IGSF9B: variants seen among roughly 807,000 people sequenced by gnomAD.
IGSF9B encodes immunoglobulin superfamily member 9B.
In IGSF9B, 48 loss-of-function variants were observed where a neutral mutation model predicts 143.7. The observed-to-expected ratio is 0.33, with a 90% CI of 0.26 to 0.42. The LOEUF is 0.42. Ranked by LOEUF, IGSF9B falls within the 20% of genes least tolerant of loss-of-function variation. IGSF9B has a pLI of 1.00. For missense variants in IGSF9B, 1,706 were observed against 1,980.0 expected, an observed-to-expected ratio of 0.86 and a Z score of 2.63; for synonymous variants, 903 against 833.1, an observed-to-expected ratio of 1.08 and a Z score of -1.44.
chr11:133,927,095 G>A lies in IGSF9B; in HGVS notation c.1632-4C>T, dbSNP rs368686709. On this transcript the variant is annotated splice_region_variant and splice_polypyrimidine_tract_variant and intron_variant, in intron 12 of 19. Coordinates refer to ENST00000533871, the MANE Select transcript of IGSF9B (RefSeq NM_001277285.4). ...CCCAAACTGTGCCCGCTTCATCCTG[G>A]CCAAAAGAGAGAGACAGGATAGGGG... 26 of 1,546,968 alleles carry A rather than the reference G, an allele frequency of 1.7e-5. No individual in the cohort carries two copies. In the African/African-American group the frequency reaches 2.6e-4, roughly 15 times the overall value.
chr11:133,920,819 T>C lies in IGSF9B; in HGVS notation c.2906A>G (p.Tyr969Cys), dbSNP rs1039873023. Residue 969 changes from tyrosine (Y) to cysteine (C), a missense_variant, in exon 18 of 20, where the codon TAC becomes TGC. Physicochemically the swap from Tyr to Cys is radical, Grantham distance 194. This residue lies in a region of IGSF9B where 880 missense variants were observed against 762.9 expected (regional missense o/e 1.15). Coordinates refer to ENST00000533871, the MANE Select transcript of IGSF9B (RefSeq NM_001277285.4). ...CTCCCCAGGGCTGCTGCTGCTGAGGTACCCATAATACTGGCCATGGTGGAA... is the reference window on the plus strand; with the variant it reads ...CTCCCCAGGGCTGCTGCTGCTGAGGCACCCATAATACTGGCCATGGTGGAA... ...RPFHHGQYYG[Y>C]LSSSSPGEVE... The C allele has an allele frequency of 6.2e-7, 1 of 1,602,604 alleles. No homozygotes were observed. Among genetic ancestry groups the C allele is most frequent in the Admixed American group, 1.7e-5 (1 of 59,174 alleles).
intron 12 of IGSF9B, among the ~76,000 whole-genome samples, chr11:133,929,288 T>A (rs972958482): frequency 1.3e-5 from 2 of 152,088 alleles, no homozygotes; most frequent in African/African-American, 2.4e-5. Context: ...ACAAAAAAAA[T>A]TAGTCTAAAA....
intron 4 of IGSF9B, 99 bp from the exon 5 acceptor site, chr11:133,937,592 G>T: frequency 9.4e-7 from 1 of 1,067,146 alleles, no homozygotes; most frequent in South Asian, 1.5e-5. Flanking sequence ...AGGTGGAGAT[G>T]ACCACAGGGA....
At chr11:133,946,288 AAGG>A (rs1232043404) in intron 1 of IGSF9B, 30 bp from the exon 2 acceptor site, 2 of 1,597,196 alleles carry the variant, frequency 1.3e-6, no homozygotes, top group East Asian at 2.2e-5. Context: ...TGGACACAGA[AAGG>A]AGGTGACAAA....
At chr11:133,937,273 A>G in intron 5 of IGSF9B, 103 bp downstream of exon 5, 1 of 807,028 alleles carries the variant, frequency 1.2e-6, no homozygotes, top group Non-Finnish European at 2.0e-6. Context: ...CTGCACCTCC[A>G]CTAGCCCCAG....
rs765768209 is a variant in IGSF9B at position 133,924,760 on chromosome 11, C to T, written c.2119+60G>A. ...GGAGTAGCCATTTCACAAAATGACC[C>T]CCATGCAGCTCTGGGGCTTATGTCC... is the stretch of plus-strand genomic sequence containing the variant. On this transcript the variant is annotated intron_variant, in intron 15 of 19. Transcript: ENST00000533871. 3.7e-6 allele frequency: 5 copies of T among 1,366,400 alleles called. No homozygotes were observed. In the South Asian group the frequency reaches 5.9e-5, roughly 16 times the overall value. The allele number at this position is 1,366,400 out of a possible 1,614,324, so 84.6% of individuals were successfully genotyped here. A position where few individuals can be genotyped will look rare whatever the true frequency, so the allele number is the denominator to read the frequency against.
chr11:133,944,275 C>G lies in IGSF9B; in HGVS notation c.354G>C (p.Leu118=). 6.2e-7 allele frequency: 1 copy of G among 1,613,736 alleles called. No homozygotes were observed. The change falls in exon 3 of 20, where the codon CTG becomes CTC. Residue 118 remains leucine, a synonymous_variant. Transcript: ENST00000533871. ...QGWYECKVLM[L]DQQYDTFHNG... is the part of the protein sequence containing the mutation. Reference sequence around the variant, plus strand: ...TGTGGAAGGTGTCATACTGCTGGTCCAGCATGAGCACTTTGCACTCATACC... The same window carrying G: ...TGTGGAAGGTGTCATACTGCTGGTCGAGCATGAGCACTTTGCACTCATACC...
At chr11:133,955,696 G>A (rs1226336740) in intron 1 of IGSF9B, among the ~76,000 whole-genome samples, 1 of 152,206 alleles carries the variant, frequency 6.6e-6, no homozygotes, top group Non-Finnish European at 1.5e-5. Context: ...TTCCATACAA[G>A]GGCCGAGAGC....
chr11:133,924,933 G>A, intron 14 of IGSF9B, 29 bp from the exon 15 acceptor site: 1 of 1,597,870 alleles, frequency 6.3e-7, no homozygotes, highest in Non-Finnish European at 8.6e-7. Context: ...TACCCAGTCA[G>A]CCGAGGGACC....
At chr11:133,910,570 A>G (rs114436913) in intron 19 of IGSF9B, among the ~76,000 whole-genome samples, 221 of 152,332 alleles carry the variant, frequency 1.5e-3, no homozygotes, top group African/African-American at 4.9e-3. Flanking sequence ...GCTGAGGAGA[A>G]GCAGACCTGG....
intron 18 of IGSF9B, among the ~76,000 whole-genome samples, chr11:133,916,706 G>A (rs1238285487): frequency 1.3e-5 from 2 of 152,306 alleles, no homozygotes; most frequent in East Asian, 3.9e-4. Context: ...GAGGGTCAAT[G>A]GAGTTGAGTG....
In IGSF9B at chr11:133,927,104, G is replaced by A. The variant is rs1939642070; in HGVS notation, c.1632-13C>T. The A allele has an allele frequency of 1.9e-6, 3 of 1,543,336 alleles. No individual in the cohort carries two copies. In the African/African-American group the frequency reaches 4.1e-5, roughly 21 times the overall value. ...TGCCCGCTTCATCCTGGCCAAAAGA[G>A]AGAGACAGGATAGGGGACGAGGGGC... On this transcript the variant is annotated splice_polypyrimidine_tract_variant and intron_variant, in intron 12 of 19. Coordinates refer to ENST00000533871, the MANE Select transcript of IGSF9B (RefSeq NM_001277285.4).
In IGSF9B at chr11:133,936,104, C is replaced by T; in HGVS notation, c.770G>A (p.Gly257Asp). The change falls in exon 6 of 20, where the codon GGC becomes GAC. Residue 257 changes from glycine (G) to aspartate (D), a missense_variant. By Grantham distance (94) the Gly-to-Asp change is moderately conservative (BLOSUM62 -1). This residue lies in a region of IGSF9B where 238 missense variants were observed against 452.6 expected (regional missense o/e 0.53). Coordinates refer to ENST00000533871, the MANE Select transcript of IGSF9B (RefSeq NM_001277285.4). ...CCAGTACCAGGTGTAGGTGAGGTTG[C>T]CCGGATACGCCTCTGCCCGGCAGGT... is the stretch of plus-strand genomic sequence containing the variant. ...LLTCRAEAYP[G>D]NLTYTWYWQD... The T allele has an allele frequency of 6.2e-7, 1 of 1,613,522 alleles. No homozygotes were observed. Among genetic ancestry groups the T allele is most frequent in the Non-Finnish European group, 8.5e-7 (1 of 1,179,716 alleles).
rs571740379 is a variant in IGSF9B, at chr11:133,928,420, T to A, written c.1631+1251A>T. On this transcript the variant is annotated intron_variant, in intron 12 of 19. Transcript: ENST00000533871. This position sits in a 1 kb window ranked among gnomAD's most constrained non-coding sequence, Gnocchi z 4.7. ...CCGGGAAGCAGCCACCGAACCACCATGATGGGAGACAGAGCGGGTGCCCCT... is the reference window on the plus strand; with the variant it reads ...CCGGGAAGCAGCCACCGAACCACCAAGATGGGAGACAGAGCGGGTGCCCCT... 6.6e-6 allele frequency among the ~76,000 whole-genome samples: 1 copy of A among 152,134 alleles called. No individual in the cohort carries two copies. The highest frequency in any genetic ancestry group is 1.9e-4 in the East Asian group (1 of 5,186).
Position 133,906,950 on chromosome 11 carries a change from T to A in IGSF9B, c.*2119A>T, listed in dbSNP as rs758141923. On this transcript the variant is annotated 3_prime_UTR_variant, in exon 20 of 20. Transcript: ENST00000533871. ...GAGAGACGCCCAAGTGAGCAGCACA[T>A]CACGACGCGGGGGCAGAGGGTGTGC... 6.6e-6 allele frequency among the ~76,000 whole-genome samples: 1 copy of A among 151,918 alleles called. No individual in the cohort carries two copies. The highest frequency in any genetic ancestry group is 1.5e-5 in the Non-Finnish European group (1 of 68,002).
Position 133,944,358 on chromosome 11 carries a change from T to C in IGSF9B, c.271A>G (p.Ser91Gly), listed in dbSNP as rs1468815225. 5 of 1,613,514 alleles carry C rather than the reference T, an allele frequency of 3.1e-6. No homozygotes were observed. Among genetic ancestry groups the C allele is most frequent in the Non-Finnish European group, 4.2e-6 (5 of 1,179,850 alleles). ...CGCAGAGATGCCTTATCATGAAGAC[T>C]GGCCCGGCCTGGGGGAATAGAGCAG... ...HVDPEYAGRA[S>G]LHDKASLRLE... The change falls in exon 3 of 20, where the codon AGT (serine) becomes GGT (glycine). Residue 91 changes from serine (S) to glycine (G), a missense_variant. Physicochemically the swap from Ser to Gly is moderately conservative, Grantham distance 56. Transcript: ENST00000533871.
chr11:133,932,528 AGCAG>A (rs1344452764), intron 7 of IGSF9B, among the ~76,000 whole-genome samples: 1 of 126,008 alleles, frequency 7.9e-6, no homozygotes, highest in Non-Finnish European at 1.6e-5. Flanking sequence ...CAGGTGGGAG[AGCAG>A]ACAGACAGAC....
rs533973231 is a variant in IGSF9B, at chr11:133,910,766, T to C, written c.4105+1120A>G. On this transcript the variant is annotated intron_variant, in intron 19 of 19. Transcript: ENST00000533871. ...CCACTGCCATCAGAACAAGAGACAA[T>C]GCAGGTCTCTGATGTGACTTTTTTT... 1.5e-4 allele frequency among the ~76,000 whole-genome samples: 23 copies of C among 152,232 alleles called. No homozygotes were observed. The South Asian group carries it at 4.8e-3, about 32-fold the overall frequency.
In IGSF9B at chr11:133,956,868, G is replaced by A; in HGVS notation, c.-114C>T. ...CCGCCTCGCGCCGCCTACGCCCCGC[G>A]CCGGTGCTCCTGCAGCCCGGGTGGC... is the stretch of plus-strand genomic sequence containing the variant. On this transcript the variant is annotated 5_prime_UTR_variant, in exon 1 of 20. Transcript: ENST00000533871. 1.9e-6 allele frequency: 1 copy of A among 538,236 alleles called. No homozygotes were observed. Among genetic ancestry groups the A allele is most frequent in the Non-Finnish European group, 2.9e-6 (1 of 344,256 alleles). 33.3% of individuals were successfully genotyped at this position (538,236 alleles called of 1,614,324 possible).
Sources: allele counts gnomAD v4.1 joint callset (sites outside exome capture counted in the v4.1 genomes callset), GRCh38; gene constraint gnomAD v4.1.1; regional missense constraint gnomAD v4.1.1; non-coding constraint Gnocchi (gnomAD v3.1); transcripts MANE v1.5; gene names NCBI Gene and HGNC (gene_info 2026-07-23, HGNC 2026-07-21).